Variants in DDX10 observed in about 807,000 individuals in gnomAD.
DDX10 encodes the protein DEAD-box helicase 10, also known as probable ATP-dependent RNA helicase DDX10.
Under a neutral mutation model 104.3 loss-of-function variants are expected in DDX10, and 74 were observed. The observed-to-expected ratio is 0.71, with a 90% CI of 0.59 to 0.86. The LOEUF (loss-of-function observed/expected upper bound fraction) is 0.86. Ranked by LOEUF, DDX10 falls within the 40% of genes least tolerant of loss-of-function variation. DDX10 has a pLI of 0.00. For missense variants in DDX10, 952 were observed against 1,040.0 expected (o/e 0.92, Z 1.16); for synonymous variants, 351 against 353.4 (o/e 0.99, Z 0.08).
chr11:108,899,387 G>A (rs1033753558), intron 16 of DDX10, among the ~76,000 whole-genome samples: 1 of 151,594 alleles, frequency 6.6e-6, no homozygotes, highest in African/African-American at 2.4e-5. Flanking sequence ...GAATATGCTT[G>A]TTCCCATACT....
intron 13 of DDX10, among the ~76,000 whole-genome samples, chr11:108,827,788 T>G (rs1862415505): frequency 6.6e-6 from 1 of 152,356 alleles, no homozygotes; most frequent in Admixed American, 6.5e-5. Flanking sequence ...ATAGCCGGTA[T>G]GTTTGTCTTA....
chr11:108,882,034 T>C (rs1417820803), intron 16 of DDX10, among the ~76,000 whole-genome samples: 2 of 152,152 alleles, frequency 1.3e-5, no homozygotes, highest in East Asian at 1.9e-4. Flanking sequence ...CTAAATACTT[T>C]TGTATTTTTA....
At chr11:108,807,532 TGTG>T (rs1162801937) in intron 13 of DDX10, among the ~76,000 whole-genome samples, 1 of 152,258 alleles carries the variant, frequency 6.6e-6, no homozygotes, top group East Asian at 1.9e-4. Flanking sequence ...ATTGACTAGA[TGTG>T]GTGACAATGC....
At chr11:108,888,841 C>T (rs139122716) in intron 16 of DDX10, among the ~76,000 whole-genome samples, 257 of 151,990 alleles carry the variant, frequency 1.7e-3, no homozygotes, top group Middle Eastern at 0.01. Flanking sequence ...TGTTCATCTC[C>T]ATGGTTGAAA....
chr11:108,909,526 T>G (rs938883496), intron 16 of DDX10, among the ~76,000 whole-genome samples: 4 of 151,988 alleles, frequency 2.6e-5, no homozygotes, highest in African/African-American at 7.3e-5. Flanking sequence ...TCTGGCTGTT[T>G]CTGAGTTTAG....
intron 13 of DDX10, among the ~76,000 whole-genome samples, chr11:108,833,649 A>T (rs571893108): frequency 7.2e-5 from 11 of 152,354 alleles, no homozygotes; most frequent in African/African-American, 2.4e-4. Flanking sequence ...TAAAAGGCAG[A>T]GATGCAAATA....
At chr11:108,694,338 C>T (rs542644813) in intron 9 of DDX10, among the ~76,000 whole-genome samples, 2 of 152,264 alleles carry the variant, frequency 1.3e-5, no homozygotes, top group African/African-American at 4.8e-5. Context: ...CAAAGATCCA[C>T]AGAGCCAGGA....
chr11:108,869,406 A>G (rs1333087523), intron 16 of DDX10, among the ~76,000 whole-genome samples: 1 of 152,148 alleles, frequency 6.6e-6, no homozygotes, highest in African/African-American at 2.4e-5. Flanking sequence ...TTTGAACTTC[A>G]GAAACATATT....
intron 13 of DDX10, among the ~76,000 whole-genome samples, chr11:108,746,141 G>A (rs537702281): frequency 2.6e-5 from 4 of 151,924 alleles, no homozygotes; most frequent in Admixed American, 1.3e-4. Context: ...TATTCTAGAC[G>A]TAAGTAAATA....
chr11:108,731,639 C>T (rs1052321775), intron 13 of DDX10, among the ~76,000 whole-genome samples: 14 of 149,460 alleles, frequency 9.4e-5, no homozygotes, highest in Admixed American at 2.7e-4. Context: ...TGGACTCAAA[C>T]CATCCTCCTG....
At chr11:108,845,670 A>G (rs1015161413) in intron 15 of DDX10, among the ~76,000 whole-genome samples, 26 of 152,218 alleles carry the variant, frequency 1.7e-4, no homozygotes, top group African/African-American at 6.0e-4. Flanking sequence ...ATGAAAAAAA[A>G]ACTTCGTAAA....
chr11:108,880,251 T>C (rs1863209581), intron 16 of DDX10, among the ~76,000 whole-genome samples: 3 of 152,170 alleles, frequency 2.0e-5, no homozygotes, highest in Admixed American at 1.3e-4. Flanking sequence ...TGTAGAATGA[T>C]ACTGATCTGG....
Position 108,715,985 on chromosome 11 carries a change from G to A in DDX10, c.1410+19G>A. 7.7e-7 allele frequency: 1 copy of A among 1,300,976 alleles called. No individual in the cohort carries two copies. Among genetic ancestry groups the A allele is most frequent in the African/African-American group, 1.5e-5 (1 of 68,248 alleles). 80.6% of individuals were successfully genotyped at this position (1,300,976 alleles called of 1,614,324 possible). A position where few individuals can be genotyped will look rare whatever the true frequency, so the allele number is the denominator to read the frequency against. ...TCAAAGGGTAAGTCATTTTTCAGTT[G>A]GATACTTTCATTGACTGGAAAAACA... On this transcript the variant is annotated intron_variant, in intron 11 of 17. Transcript: ENST00000322536.
At chr11:108,900,617 A>T (rs1292494998) in intron 16 of DDX10, among the ~76,000 whole-genome samples, 1 of 152,188 alleles carries the variant, frequency 6.6e-6, no homozygotes, top group Non-Finnish European at 1.5e-5. Flanking sequence ...TGGTACAGTG[A>T]GGTTGATTTA....
At chr11:108,686,895 C>T (rs1307688880) in intron 6 of DDX10, among the ~76,000 whole-genome samples, 1 of 152,054 alleles carries the variant, frequency 6.6e-6, no homozygotes, top group Non-Finnish European at 1.5e-5. Flanking sequence ...TGCCATTCTC[C>T]TGCCTCAGCC....
intron 6 of DDX10, among the ~76,000 whole-genome samples, chr11:108,684,408 A>C (rs1375613219): frequency 8.3e-4 from 100 of 120,102 alleles, no homozygotes; most frequent in South Asian, 2.8e-3. Flanking sequence ...TGTCCATGTG[A>C]TCTCATTGTT....
chr11:108,778,217 A>G (rs966881370), intron 13 of DDX10, among the ~76,000 whole-genome samples: 3 of 152,234 alleles, frequency 2.0e-5, no homozygotes, highest in African/African-American at 7.2e-5. Context: ...TGGAACCAAA[A>G]AAGAGCCTGC....
intron 16 of DDX10, among the ~76,000 whole-genome samples, chr11:108,854,324 A>G (rs1489080388): frequency 1.3e-5 from 2 of 152,226 alleles, no homozygotes; most frequent in Non-Finnish European, 2.9e-5. Context: ...TATTATGTAA[A>G]TTATCAGGTT....
chr11:108,710,875 A>G (rs2134465264), intron 10 of DDX10, among the ~76,000 whole-genome samples: 2 of 152,324 alleles, frequency 1.3e-5, no homozygotes, highest in South Asian at 4.1e-4. Context: ...CTGCAGCCTC[A>G]GTCTCCTAGG....
Sources: allele counts gnomAD v4.1 joint callset (sites outside exome capture counted in the v4.1 genomes callset), GRCh38; gene constraint gnomAD v4.1.1; transcripts MANE v1.5; gene names NCBI Gene and HGNC (gene_info 2026-07-23, HGNC 2026-07-21).